Variants in CADM1 observed in about 807,000 individuals in gnomAD.
CADM1 encodes the protein TSLC-1.
A neutral mutation model predicts 53.1 loss-of-function variants in CADM1; 15 were observed. The observed-to-expected ratio is 0.28, with a 90% CI of 0.19 to 0.44. The LOEUF is 0.44. CADM1 is among the 20% of genes least tolerant of loss of function. The pLI, the probability that CADM1 is intolerant of heterozygous loss-of-function variation, is 1.00. For synonymous variants in CADM1, 281 were observed against 243.0 expected, an observed-to-expected ratio of 1.16 and a Z score of -1.45; for missense variants, 434 against 611.3, an observed-to-expected ratio of 0.71 and a Z score of 3.06.
chr11:115,338,334 C>T (rs1945322149), intron 1 of CADM1, among the ~76,000 whole-genome samples: 1 of 152,044 alleles, frequency 6.6e-6, no homozygotes, highest in Admixed American at 6.5e-5. Context: ...GTTACTTACA[C>T]AGCTAGTAAG....
chr11:115,235,196 T>C (rs1409561764), intron 3 of CADM1, among the ~76,000 whole-genome samples: 1 of 151,752 alleles, frequency 6.6e-6, no homozygotes, highest in Admixed American at 6.6e-5. Flanking sequence ...GCAAGAAAGC[T>C]TTCAAAAATA....
rs1411614436 is a variant in CADM1, at chr11:115,173,479, C to CA, written c.*2994dup. The CA allele has an allele frequency of 9.8e-5, 15 of 152,720 alleles. No individual in the cohort carries two copies. The highest frequency in any genetic ancestry group is 3.6e-4 in the African/African-American group (15 of 41,592). The allele number at this position is 152,720 out of a possible 1,614,324, so 9.5% of individuals were successfully genotyped here. ...GGAGAAGGAGAGAGAGCGCGGCCCCCAGCAACCCAGCCGGCAGCATGTCCT... is the reference window on the plus strand; with the variant it reads ...GGAGAAGGAGAGAGAGCGCGGCCCCCAAGCAACCCAGCCGGCAGCATGTCCT... On this transcript the variant is annotated 3_prime_UTR_variant, in exon 12 of 12. Coordinates refer to ENST00000331581, the MANE Select transcript of CADM1 (RefSeq NM_001301043.2).
intron 1 of CADM1, among the ~76,000 whole-genome samples, chr11:115,295,550 A>ATATATATGTATATTAT (rs371584699): frequency 3.8e-5 from 2 of 53,004 alleles, no homozygotes; most frequent in African/African-American, 1.3e-4. Context: ...ATATATATAT[A>ATATATATGTATATTAT]ATATATATGT....
intron 1 of CADM1, among the ~76,000 whole-genome samples, chr11:115,499,708 C>T (rs1329885724): frequency 6.6e-6 from 1 of 152,192 alleles, no homozygotes; most frequent in African/African-American, 2.4e-5. Flanking sequence ...AAGATTCTTC[C>T]CTCCCTGGCC....
chr11:115,449,199 T>A (rs1948517609), intron 1 of CADM1, among the ~76,000 whole-genome samples: 1 of 152,214 alleles, frequency 6.6e-6, no homozygotes, highest in African/African-American at 2.4e-5. Context: ...CTGCCAGGTA[T>A]GCCTGCAGGG....
chr11:115,306,072 C>CCACACACACACACACA (rs6144515), intron 1 of CADM1, among the ~76,000 whole-genome samples: 42,461 of 130,138 alleles, frequency 0.33, 7,452 homozygotes, highest in East Asian at 0.42. Flanking sequence ...AGGATATATA[C>CCACACACACACACACA]CACACACACA....
intron 4 of CADM1, among the ~76,000 whole-genome samples, chr11:115,230,371 A>C (rs1941772515): frequency 6.6e-6 from 1 of 152,170 alleles, no homozygotes. Context: ...ATCTTCATAA[A>C]AATTCCATAA....
chr11:115,438,432 G>A (rs1012458293), intron 1 of CADM1, among the ~76,000 whole-genome samples: 19 of 152,034 alleles, frequency 1.2e-4, no homozygotes, highest in African/African-American at 4.1e-4. Context: ...GACAGGACAA[G>A]CATTATTTTC....
chr11:115,220,060 T>C (rs1297870562), intron 5 of CADM1, among the ~76,000 whole-genome samples: 1 of 152,116 alleles, frequency 6.6e-6, no homozygotes, highest in East Asian at 1.9e-4. Context: ...TAGGTTAATC[T>C]CTGATCTACA....
intron 8 of CADM1, among the ~76,000 whole-genome samples, chr11:115,201,189 C>G (rs539885501): frequency 6.6e-6 from 1 of 152,084 alleles, no homozygotes; most frequent in Non-Finnish European, 1.5e-5. Context: ...TGGCAAAACC[C>G]GGAGCAGCAA....
intron 1 of CADM1, among the ~76,000 whole-genome samples, chr11:115,340,639 TA>T (rs1945407207): frequency 3.4e-5 from 1 of 29,762 alleles, no homozygotes; most frequent in Non-Finnish European, 7.7e-5. Flanking sequence ...TATATATATA[TA>T]TATATATATA....
intron 1 of CADM1, among the ~76,000 whole-genome samples, chr11:115,441,621 C>T (rs1358923889): frequency 6.6e-6 from 1 of 152,134 alleles, no homozygotes; most frequent in Non-Finnish European, 1.5e-5. Flanking sequence ...AGAAAATGAG[C>T]AAGGTACTGA....
intron 1 of CADM1, chr11:115,287,461 C>T (rs1943761658): frequency 6.6e-6 from 1 of 152,236 alleles, no homozygotes; most frequent in East Asian, 1.9e-4. Context: ...CCTGGCCTCA[C>T]AGGCACACTC....
intron 1 of CADM1, among the ~76,000 whole-genome samples, chr11:115,489,603 T>C (rs1350664389): frequency 6.6e-6 from 1 of 152,248 alleles, no homozygotes; most frequent in East Asian, 1.9e-4. Flanking sequence ...GGGATTTAAA[T>C]ATGCCTACGT....
intron 1 of CADM1, among the ~76,000 whole-genome samples, chr11:115,245,123 G>A (rs1423504423): frequency 2.0e-5 from 3 of 152,254 alleles, no homozygotes; most frequent in African/African-American, 7.2e-5. Context: ...GAGCACCAGC[G>A]ACTCTTCACA....
At chr11:115,344,831 C>T (rs1945536019) in intron 1 of CADM1, among the ~76,000 whole-genome samples, 1 of 152,160 alleles carries the variant, frequency 6.6e-6, no homozygotes, top group African/African-American at 2.4e-5. Flanking sequence ...TGGTCTCTCT[C>T]CTGCTCAGTC....
intron 1 of CADM1, among the ~76,000 whole-genome samples, chr11:115,401,911 G>A (rs1426140564): frequency 1.3e-5 from 2 of 151,942 alleles, no homozygotes; most frequent in Admixed American, 6.6e-5. Flanking sequence ...GGAAATCTCT[G>A]TACCTTCTTT....
intron 1 of CADM1, among the ~76,000 whole-genome samples, chr11:115,368,751 T>C (rs902366673): frequency 1.3e-5 from 2 of 152,000 alleles, no homozygotes; most frequent in Admixed American, 6.6e-5. Context: ...TAAATCTGAA[T>C]AATAACTCCT....
intron 1 of CADM1, among the ~76,000 whole-genome samples, chr11:115,297,327 C>G (rs1944105066): frequency 6.6e-6 from 1 of 152,162 alleles, no homozygotes. Flanking sequence ...GGTGGACAGA[C>G]AGGTAGACAG....
Sources: allele counts gnomAD v4.1 joint callset (sites outside exome capture counted in the v4.1 genomes callset), GRCh38; gene constraint gnomAD v4.1.1; transcripts MANE v1.5; gene names NCBI Gene and HGNC (gene_info 2026-07-23, HGNC 2026-07-21).